SYN3: variants seen among roughly 807,000 people sequenced by gnomAD.
The protein encoded by SYN3 is synapsin-3.
Under a neutral mutation model 65.8 loss-of-function variants are expected in SYN3, and 35 were observed. The ratio of observed to expected loss-of-function variants is 0.53; its 90% CI spans 0.41 to 0.70. The LOEUF (loss-of-function observed/expected upper bound fraction) is 0.70. Among genes scored for constraint, SYN3 ranks in the 30% least tolerant of loss-of-function variants. The pLI is 0.00. For synonymous variants in SYN3, 270 were observed against 292.9 expected, an observed-to-expected ratio of 0.92 and a Z score of 0.80; for missense variants, 680 against 749.0, an observed-to-expected ratio of 0.91 and a Z score of 1.08.
At chr22:32,806,798 ATCTC>A (rs1445414534) in intron 6 of SYN3, among the ~76,000 whole-genome samples, 4 of 146,568 alleles carry the variant, frequency 2.7e-5, no homozygotes, top group Non-Finnish European at 4.6e-5. Context: ...CTATCTATCT[ATCTC>A]TCTATCTAAA....
chr22:32,969,192 C>T (rs187828553), intron 3 of SYN3, among the ~76,000 whole-genome samples: 1 of 152,296 alleles, frequency 6.6e-6, no homozygotes, highest in East Asian at 1.9e-4. Context: ...ACTCCCATGC[C>T]TCCTTCCTTC....
intron 2 of SYN3, among the ~76,000 whole-genome samples, chr22:33,004,632 G>C (rs984279260): frequency 6.6e-6 from 1 of 152,222 alleles, no homozygotes; most frequent in Non-Finnish European, 1.5e-5. Context: ...TTTGGAATGC[G>C]TGTATTTACC....
intron 6 of SYN3, among the ~76,000 whole-genome samples, chr22:32,637,928 C>G (rs2710349): frequency 6.6e-6 from 1 of 151,958 alleles, no homozygotes; most frequent in Non-Finnish European, 1.5e-5. Flanking sequence ...CATGAGCCAC[C>G]GCGCCCAGCA....
intron 6 of SYN3, among the ~76,000 whole-genome samples, chr22:32,768,391 T>A (rs1000873131): frequency 1.3e-5 from 2 of 152,200 alleles, no homozygotes; most frequent in Non-Finnish European, 2.9e-5. Context: ...AAAATTAGGA[T>A]GTTTCCCAAG....
At chr22:32,531,661 A>G (rs2058072782) in intron 10 of SYN3, among the ~76,000 whole-genome samples, 1 of 147,912 alleles carries the variant, frequency 6.8e-6, no homozygotes, top group Admixed American at 6.9e-5. Context: ...TGAAGAAACC[A>G]GTGTTTTGGG....
chr22:33,007,756 C>T (rs903262946), intron 1 of SYN3, among the ~76,000 whole-genome samples: 1 of 152,106 alleles, frequency 6.6e-6, no homozygotes, highest in Non-Finnish European at 1.5e-5. Context: ...ACTCACCCAG[C>T]CTATGGTATT....
chr22:32,752,900 G>A (rs940412850), intron 6 of SYN3, among the ~76,000 whole-genome samples: 2 of 152,128 alleles, frequency 1.3e-5, no homozygotes, highest in African/African-American at 4.8e-5. Context: ...GAGAAATGGA[G>A]CGGGGGTGAG....
At chr22:32,618,733 C>G (rs569133973) in intron 6 of SYN3, among the ~76,000 whole-genome samples, 1 of 152,116 alleles carries the variant, frequency 6.6e-6, no homozygotes, top group Middle Eastern at 3.2e-3. Flanking sequence ...GAGCTGAGTC[C>G]GCAACAAGTG....
At chr22:32,581,087 C>T (rs1359481881) in intron 7 of SYN3, among the ~76,000 whole-genome samples, 4 of 152,142 alleles carry the variant, frequency 2.6e-5, no homozygotes, top group Non-Finnish European at 4.4e-5. Flanking sequence ...ATCCCTTTTC[C>T]ACTAGGGACA....
chr22:32,626,803 C>A (rs2059672616), intron 6 of SYN3, among the ~76,000 whole-genome samples: 1 of 152,170 alleles, frequency 6.6e-6, no homozygotes, highest in Non-Finnish European at 1.5e-5. Context: ...GGTGACAAAG[C>A]TGTCGTTTTA....
Position 32,541,559 on chromosome 22 carries a change from C to T in SYN3, c.917+12G>A, listed in dbSNP as rs1446411690. ...CTCCCACACTCCCCCAGCCCCTGCCCCAGAGACTCACATGTAAGCCTTGTA... is the reference window on the plus strand; with the variant it reads ...CTCCCACACTCCCCCAGCCCCTGCCTCAGAGACTCACATGTAAGCCTTGTA... On this transcript the variant is annotated intron_variant, in intron 8 of 13. Transcript: ENST00000358763. 1 of 1,613,982 alleles carries T rather than the reference C, an allele frequency of 6.2e-7. No individual in the cohort carries two copies. The highest frequency in any genetic ancestry group is 8.5e-7 in the Non-Finnish European group (1 of 1,179,912).
chr22:32,786,177 T>C (rs2046190103), intron 6 of SYN3, among the ~76,000 whole-genome samples: 1 of 152,128 alleles, frequency 6.6e-6, no homozygotes, highest in African/African-American at 2.4e-5. Context: ...TTAGTGCCCT[T>C]GTTTGTAGCC....
In SYN3 at chr22:32,817,746, C is replaced by T. The variant is rs567248944; in HGVS notation, c.711+47169G>A. 4.9e-4 allele frequency among the ~76,000 whole-genome samples: 75 copies of T among 152,222 alleles called. 1 individual carries two copies. Among genetic ancestry groups the T allele is most frequent in the African/African-American group, 1.7e-3 (70 of 41,524 alleles). On this transcript the variant is annotated intron_variant, in intron 6 of 13. Coordinates refer to ENST00000358763, the MANE Select transcript of SYN3 (RefSeq NM_003490.4). ...TTAAATCCTAGGATCTTGTTTATAC[C>T]GTTAAGGACATGATTGAAGGACATT...
chr22:32,987,331 G>C (rs1486172213), intron 2 of SYN3, among the ~76,000 whole-genome samples: 1 of 152,194 alleles, frequency 6.6e-6, no homozygotes, highest in Non-Finnish European at 1.5e-5. Context: ...CAGAGACTTT[G>C]CCAGTTAGCA....
At chr22:32,854,600 C>T (rs2048312892) in intron 6 of SYN3, among the ~76,000 whole-genome samples, 1 of 152,156 alleles carries the variant, frequency 6.6e-6, no homozygotes, top group Non-Finnish European at 1.5e-5. Flanking sequence ...TCTTCGAAGG[C>T]CACACTCCAT....
intron 6 of SYN3, among the ~76,000 whole-genome samples, chr22:32,798,685 CTTTTTTTTTTT>C (rs751710119): frequency 4.8e-4 from 44 of 92,494 alleles, no homozygotes; most frequent in Middle Eastern, 7.9e-3. Context: ...CATCTTCATT[CTTTTTTTTTTT>C]TTTTTTTTTT....
chr22:32,933,627 AG>A (rs2050696287), intron 3 of SYN3, among the ~76,000 whole-genome samples: 2 of 152,092 alleles, frequency 1.3e-5, no homozygotes, highest in African/African-American at 4.8e-5. Flanking sequence ...TTTAGTAGAA[AG>A]GGGGTTTCAC....
chr22:33,022,472 C>T (rs925212756), intron 1 of SYN3, among the ~76,000 whole-genome samples: 1 of 152,186 alleles, frequency 6.6e-6, no homozygotes, highest in Non-Finnish European at 1.5e-5. Flanking sequence ...CCTTTTGACC[C>T]CAAAGCTCTT....
chr22:32,895,067 G>A (rs182266404), intron 4 of SYN3, among the ~76,000 whole-genome samples: 197 of 152,342 alleles, frequency 1.3e-3, no homozygotes, highest in African/African-American at 4.6e-3. Context: ...TGAAGAGAAG[G>A]CAGTTGAAGT....
Sources: gnomAD v4.1 joint callset for allele counts (sites outside exome capture counted in the v4.1 genomes callset) on GRCh38, gnomAD v4.1.1 for gene constraint, MANE v1.5 for transcripts, NCBI Gene and HGNC (gene_info 2026-07-23, HGNC 2026-07-21) for gene names.